The following SLC8A1 variants were observed in gnomAD, a reference collection of about 807,000 sequenced individuals.
SLC8A1 encodes the protein sodium/calcium exchanger 1.
A neutral mutation model predicts 68.3 loss-of-function variants in SLC8A1; 18 were observed. That is an observed-to-expected ratio of 0.26 (90% CI 0.18 to 0.39). The LOEUF (loss-of-function observed/expected upper bound fraction) is 0.39. SLC8A1 is among the 10% of genes least tolerant of loss of function. SLC8A1 has a pLI of 1.00. For synonymous variants in SLC8A1, 475 were observed against 415.5 expected, an observed-to-expected ratio of 1.14 and a Z score of -1.74; for missense variants, 985 against 1,156.7, an observed-to-expected ratio of 0.85 and a Z score of 2.15.
intron 2 of SLC8A1, among the ~76,000 whole-genome samples, chr2:40,320,372 C>T (rs778833614): frequency 2.0e-5 from 3 of 152,074 alleles, no homozygotes; most frequent in Non-Finnish European, 4.4e-5. Context: ...CCATTATGTC[C>T]ACTGCCCTTA....
intron 2 of SLC8A1, among the ~76,000 whole-genome samples, chr2:40,335,432 C>T (rs773300409): frequency 2.0e-4 from 30 of 152,156 alleles, no homozygotes; most frequent in Non-Finnish European, 3.7e-4. Flanking sequence ...AGTGGTTAGT[C>T]TATAACCATA....
exon 8 of SLC8A1, chr2:40,112,613 A>G (rs1337340185): frequency 6.6e-6 from 1 of 152,252 alleles, no homozygotes; most frequent in Non-Finnish European, 1.5e-5. Context: ...TTCCTTGAAT[A>G]TATTTACTTG....
At chr2:40,201,010 G>C (rs1449685868) in intron 2 of SLC8A1, among the ~76,000 whole-genome samples, 1 of 149,424 alleles carries the variant, frequency 6.7e-6, no homozygotes, top group African/African-American at 2.5e-5. Context: ...TTCTCTTTTT[G>C]CCTTTAAGCA....
chr2:40,246,908 T>G (rs1172245028), intron 2 of SLC8A1, among the ~76,000 whole-genome samples: 1 of 151,590 alleles, frequency 6.6e-6, no homozygotes, highest in Non-Finnish European at 1.5e-5. Context: ...TACCAGTGCC[T>G]GGCAAAGTTT....
intron 2 of SLC8A1, among the ~76,000 whole-genome samples, chr2:40,191,939 G>A (rs1443457890): frequency 6.6e-6 from 1 of 152,118 alleles, no homozygotes; most frequent in Non-Finnish European, 1.5e-5. Flanking sequence ...AGAGAATCAT[G>A]TAGGTAGAGA....
At chr2:40,318,617 T>C (rs1017287359) in intron 2 of SLC8A1, among the ~76,000 whole-genome samples, 6 of 152,064 alleles carry the variant, frequency 3.9e-5, no homozygotes, top group Non-Finnish European at 7.4e-5. Flanking sequence ...ATATGGAGTA[T>C]AGTGCCCCCT....
intron 2 of SLC8A1, among the ~76,000 whole-genome samples, chr2:40,368,295 A>G (rs1450197914): frequency 6.6e-6 from 1 of 152,048 alleles, no homozygotes. Flanking sequence ...TAATATCATA[A>G]AAGATTTTCC....
intron 2 of SLC8A1, among the ~76,000 whole-genome samples, chr2:40,286,509 G>A (rs2068337798): frequency 6.6e-6 from 1 of 152,154 alleles, no homozygotes; most frequent in Admixed American, 6.6e-5. Flanking sequence ...AGTGAACTCC[G>A]TGGATCAGCC....
At chr2:40,243,444 C>A (rs1232406192) in intron 2 of SLC8A1, among the ~76,000 whole-genome samples, 1 of 152,172 alleles carries the variant, frequency 6.6e-6, no homozygotes, top group African/African-American at 2.4e-5. Flanking sequence ...GATCACCCCA[C>A]TGTACTCCAA....
At chr2:40,181,279 A>G (rs2049501637) in intron 2 of SLC8A1, among the ~76,000 whole-genome samples, 1 of 152,196 alleles carries the variant, frequency 6.6e-6, no homozygotes, top group Admixed American at 6.5e-5. Context: ...TACTCTAAGT[A>G]GCTGATGGGT....
At chr2:40,171,060 C>T (rs1208756408) in intron 4 of SLC8A1, among the ~76,000 whole-genome samples, 1 of 152,132 alleles carries the variant, frequency 6.6e-6, no homozygotes, top group Non-Finnish European at 1.5e-5. Flanking sequence ...TTTGCCTCTA[C>T]CAAGAGCTAC....
chr2:40,429,785 G>C (rs1697830966), exon 2 of SLC8A1: 1 of 1,613,778 alleles, frequency 6.2e-7, no homozygotes, highest in Non-Finnish European at 8.5e-7. Context: ...CTAGGACCGA[G>C]GTCTCCTGCA....
chr2:40,134,495 A>G (rs1469150607), intron 7 of SLC8A1, among the ~76,000 whole-genome samples: 2 of 152,178 alleles, frequency 1.3e-5, no homozygotes, highest in Non-Finnish European at 2.9e-5. Context: ...CTTGCTCCTC[A>G]TCACAGTTCC....
At chr2:40,260,925 A>T (rs1040494203) in intron 2 of SLC8A1, among the ~76,000 whole-genome samples, 7 of 152,168 alleles carry the variant, frequency 4.6e-5, no homozygotes, top group African/African-American at 1.4e-4. Context: ...TCTTATTTCC[A>T]TCCACAAATT....
At chr2:40,372,529 T>C (rs1396567157) in intron 2 of SLC8A1, among the ~76,000 whole-genome samples, 1 of 152,176 alleles carries the variant, frequency 6.6e-6, no homozygotes, top group East Asian at 1.9e-4. Flanking sequence ...CCATATTCTG[T>C]GGGCTTGACC....
chr2:40,128,797 T>G (rs1430994741), intron 7 of SLC8A1, among the ~76,000 whole-genome samples: 1 of 152,294 alleles, frequency 6.6e-6, no homozygotes, highest in Middle Eastern at 3.4e-3. Flanking sequence ...TACAAATATA[T>G]AGAGAGAGAT....
chr2:40,329,475 A>G (rs1252190134), intron 2 of SLC8A1, among the ~76,000 whole-genome samples: 1 of 152,232 alleles, frequency 6.6e-6, no homozygotes, highest in Admixed American at 6.5e-5. Context: ...GGCTATTGGA[A>G]GATCTCTTGC....
intron 2 of SLC8A1, among the ~76,000 whole-genome samples, chr2:40,299,875 A>C (rs1465073911): frequency 2.0e-5 from 3 of 152,190 alleles, no homozygotes; most frequent in Non-Finnish European, 4.4e-5. Flanking sequence ...TTGACAAAAT[A>C]GTGGCAAAAT....
At chr2:40,279,672 A>C (rs1384105616) in intron 2 of SLC8A1, among the ~76,000 whole-genome samples, 1 of 152,150 alleles carries the variant, frequency 6.6e-6, no homozygotes, top group East Asian at 1.9e-4. Context: ...TGGAAATCCT[A>C]TTTCAGTCCT....
Sources: allele counts gnomAD v4.1 joint callset (sites outside exome capture counted in the v4.1 genomes callset), GRCh38; gene constraint gnomAD v4.1.1; transcripts MANE v1.5; gene names NCBI Gene and HGNC (gene_info 2026-07-23, HGNC 2026-07-21).